Variants in DPP6 observed in about 807,000 individuals in gnomAD.
The protein encoded by DPP6 is A-type potassium channel modulatory protein DPP6.
In DPP6, 69 loss-of-function variants were observed where a neutral mutation model predicts 122.6. The ratio of observed to expected loss-of-function variants is 0.56; its 90% CI spans 0.46 to 0.69. The LOEUF is 0.69. Among genes scored for constraint, DPP6 ranks in the 30% least tolerant of loss-of-function variants. The probability of loss-of-function intolerance (pLI) is 0.00; values close to 1 mark genes in which losing one functional copy is unlikely to be tolerated. For synonymous variants in DPP6, 418 were observed against 433.1 expected, an observed-to-expected ratio of 0.97 and a Z score of 0.43; for missense variants, 928 against 1,116.9, an observed-to-expected ratio of 0.83 and a Z score of 2.41.
intron 1 of DPP6, among the ~76,000 whole-genome samples, chr7:154,395,946 G>GT (rs34530908): frequency 0.13 from 18,588 of 145,308 alleles, 1,231 homozygotes; most frequent in South Asian, 0.17. Flanking sequence ...AATTTCTTGA[G>GT]TTTTTTTTTT....
At chr7:154,487,381 T>C (rs1473497548) in intron 3 of DPP6, among the ~76,000 whole-genome samples, 1 of 152,112 alleles carries the variant, frequency 6.6e-6, no homozygotes, top group East Asian at 1.9e-4. Flanking sequence ...TCCTACCTAA[T>C]AGAGCAGATG....
At chr7:154,298,268 C>CCACA (rs773227930) in intron 1 of DPP6, among the ~76,000 whole-genome samples, 11 of 150,334 alleles carry the variant, frequency 7.3e-5, no homozygotes, top group African/African-American at 1.2e-4. Context: ...CTCTCTCTCT[C>CCACA]CACACACACA....
intron 3 of DPP6, among the ~76,000 whole-genome samples, chr7:154,495,181 C>G (rs1469864406): frequency 6.6e-6 from 1 of 152,192 alleles, no homozygotes; most frequent in Non-Finnish European, 1.5e-5. Flanking sequence ...AAGCCTGCAA[C>G]ATTCAGTATC....
rs5888570 is a variant in DPP6 at position 154,332,073 on chromosome 7, CTT to C, written c.244-114126_244-114125del. Among the ~76,000 whole-genome samples the C allele has an allele frequency of 6.2e-4, 88 of 141,890 alleles. 2 individuals carry two copies. The South Asian group carries it at 8.3e-3, about 13-fold the overall frequency. 93.1% of individuals were successfully genotyped at this position (141,890 alleles called of 152,430 possible). A position where few individuals can be genotyped will look rare whatever the true frequency, so the allele number is the denominator to read the frequency against. On this transcript the variant is annotated intron_variant, in intron 1 of 25. Transcript: ENST00000377770. ...ATGTCTTCACCTCGTGCTTTTTAAA[CTT>C]TTTTTTTTTTTTTTGAGACAGAGTC...
At position 154,821,827 on chromosome 7, in the gene DPP6, A is replaced by T. The variant is rs1202176425; in HGVS notation, c.1666+14715A>T. Among the ~76,000 whole-genome samples, 2 of 152,038 alleles carry T rather than the reference A, an allele frequency of 1.3e-5. No homozygotes were observed. The highest frequency in any genetic ancestry group is 3.9e-4 in the East Asian group (2 of 5,190). On this transcript the variant is annotated intron_variant, in intron 16 of 25. Transcript: ENST00000377770. This position sits in a 1 kb window ranked among gnomAD's most constrained non-coding sequence, Gnocchi z 4.2. ...CAGTAAGACCATTTTGGTGACTACA[A>T]AATGTAAACTACTAATTAAGAGATA...
chr7:153,946,336 A>G (rs944820211), intron 1 of DPP6, among the ~76,000 whole-genome samples: 2 of 152,122 alleles, frequency 1.3e-5, no homozygotes, highest in African/African-American at 4.8e-5. Context: ...GTTGGGGCAG[A>G]GATTTCACGG....
At chr7:153,767,155 C>G in the DPP6 span, among the ~76,000 whole-genome samples, 1 of 152,226 alleles carries the variant, frequency 6.6e-6, no homozygotes. Flanking sequence ...CCAGAAATTC[C>G]TCCTTGATTA....
the DPP6 span, among the ~76,000 whole-genome samples, chr7:153,787,159 C>A: frequency 7.4e-6 from 1 of 134,312 alleles, no homozygotes; most frequent in Non-Finnish European, 1.7e-5. Context: ...ACCGTGTTAG[C>A]CAGGATGATC....
the DPP6 span, among the ~76,000 whole-genome samples, chr7:153,782,325 A>G: frequency 1.3e-5 from 2 of 152,024 alleles, no homozygotes; most frequent in African/African-American, 4.8e-5. Flanking sequence ...CCTTCTGTAT[A>G]TTGTGGTGGG....
chr7:154,258,637 A>G (rs999036151), intron 1 of DPP6, among the ~76,000 whole-genome samples: 9 of 152,224 alleles, frequency 5.9e-5, no homozygotes, highest in Non-Finnish European at 1.2e-4. Context: ...AAATAAGTAA[A>G]CAATCAGTAA....
rs557562812 is a variant in DPP6 at position 154,618,439 on chromosome 7, G to A, written c.628-19382G>A. ...CACACACTGTTGCTTGCCCAGACAT[G>A]CTTCCCCTTTGTCTTGTTAGACCAT... On this transcript the variant is annotated intron_variant, in intron 5 of 25. Coordinates refer to ENST00000377770, the MANE Select transcript of DPP6 (RefSeq NM_130797.4). This position sits in a 1 kb window ranked among gnomAD's most constrained non-coding sequence, Gnocchi z 4.1. Among the ~76,000 whole-genome samples the A allele has an allele frequency of 7.3e-4, 111 of 152,270 alleles. No individual in the cohort carries two copies. The highest frequency in any genetic ancestry group is 2.5e-3 in the African/African-American group (102 of 41,550).
chr7:154,821,645 T>TATACACAC lies in DPP6; in HGVS notation c.1666+14534_1666+14535insTACACACA, dbSNP rs1362252192. 1.7e-5 allele frequency among the ~76,000 whole-genome samples: 2 copies of TATACACAC among 115,184 alleles called. No homozygotes were observed. The highest frequency in any genetic ancestry group is 3.6e-5 in the Non-Finnish European group (2 of 55,878). 75.6% of individuals were successfully genotyped at this position (115,184 alleles called of 152,430 possible). A position where few individuals can be genotyped will look rare whatever the true frequency, so the allele number is the denominator to read the frequency against. ...TTTTTTCTGTATATATATATATATA[T>TATACACAC]ACACATATATATATATATACACATA... On this transcript the variant is annotated intron_variant, in intron 16 of 25. Coordinates refer to ENST00000377770, the MANE Select transcript of DPP6 (RefSeq NM_130797.4). The surrounding 1 kb of genome is among the most constrained non-coding windows in gnomAD (Gnocchi z 4.2).
intron 1 of DPP6, among the ~76,000 whole-genome samples, chr7:154,014,347 AC>A (rs201115710): frequency 0.011 from 1,560 of 143,926 alleles, 112 homozygotes; most frequent in African/African-American, 0.038. Flanking sequence ...AAGCTATTTC[AC>A]TACCTCGTTG....
At chr7:154,372,705 T>C (rs116261626) in intron 1 of DPP6, among the ~76,000 whole-genome samples, 2,106 of 152,286 alleles carry the variant, frequency 0.014, 67 homozygotes, top group African/African-American at 0.048. Flanking sequence ...AAACTTTTCA[T>C]TGGAAGCAAT....
chr7:154,659,261 A>G (rs1424326674), intron 6 of DPP6, among the ~76,000 whole-genome samples: 1 of 152,214 alleles, frequency 6.6e-6, no homozygotes, highest in Non-Finnish European at 1.5e-5. Flanking sequence ...ACAGAGTTCC[A>G]TAGAGTAAAC....
At chr7:154,835,617 C>T (rs373605655) in intron 16 of DPP6, among the ~76,000 whole-genome samples, 1 of 152,198 alleles carries the variant, frequency 6.6e-6, no homozygotes, top group African/African-American at 2.4e-5. Context: ...GACACACATT[C>T]TCAGGCCCCA....
intron 6 of DPP6, among the ~76,000 whole-genome samples, chr7:154,647,487 T>C (rs572563807): frequency 1.3e-5 from 2 of 152,302 alleles, no homozygotes; most frequent in South Asian, 2.1e-4. Context: ...GGGGTTATAG[T>C]ATCAAAGTCT....
Position 154,385,095 on chromosome 7 carries a change from C to T in DPP6, c.244-61119C>T, listed in dbSNP as rs185322758. Among the ~76,000 whole-genome samples, 811 of 152,180 alleles carry T rather than the reference C, an allele frequency of 5.3e-3. 5 individuals carry two copies. The highest frequency in any genetic ancestry group is 0.019 in the African/African-American group (770 of 41,516). On this transcript the variant is annotated intron_variant, in intron 1 of 25. Coordinates refer to ENST00000377770, the MANE Select transcript of DPP6 (RefSeq NM_130797.4). ...ACGCCATTCTCCTGCCTCAGCCTCC[C>T]GGTAGCTGGGACTACAGGTGCCCGC...
chr7:154,710,199 G>T (rs1205531881), intron 7 of DPP6, among the ~76,000 whole-genome samples: 1 of 152,232 alleles, frequency 6.6e-6, no homozygotes, highest in Non-Finnish European at 1.5e-5. Context: ...CCTCTCAGGA[G>T]CCAGGGGCAT....
Sources: allele counts gnomAD v4.1 joint callset (sites outside exome capture counted in the v4.1 genomes callset), GRCh38; gene constraint gnomAD v4.1.1; non-coding constraint Gnocchi (gnomAD v3.1); transcripts MANE v1.5; gene names NCBI Gene and HGNC (gene_info 2026-07-23, HGNC 2026-07-21).